Variants in USB1 observed in about 807,000 individuals in gnomAD.
USB1 encodes the protein U6 snRNA phosphodiesterase 1.
A neutral mutation model predicts 29.9 loss-of-function variants in USB1; 21 were observed. That is an observed-to-expected ratio of 0.70 (90% CI 0.50 to 1.01). The LOEUF (loss-of-function observed/expected upper bound fraction) is 1.01, where lower values mean the gene tolerates loss of function less well. Among genes scored for constraint, USB1 ranks in the 50% least tolerant of loss-of-function variants. The pLI, the probability that USB1 is intolerant of heterozygous loss-of-function variation, is 0.00. For synonymous variants in USB1, 143 were observed against 134.9 expected, an observed-to-expected ratio of 1.06 and a Z score of -0.42; for missense variants, 330 against 347.1, an observed-to-expected ratio of 0.95 and a Z score of 0.39.
Position 58,001,408 on chromosome 16 carries a change from C to T in USB1, c.-76C>T, listed in dbSNP as rs1288491900. On this transcript the variant is annotated 5_prime_UTR_variant, in exon 1 of 7. Coordinates refer to ENST00000219281, the MANE Select transcript of USB1 (RefSeq NM_024598.4). ...CCCAGGCCCCGCCCCTGGGAGGGCG[C>T]TTCCGGCACAGCGGAACTCCGGGTG... The T allele has an allele frequency of 1.3e-6, 2 of 1,531,074 alleles. No homozygotes were observed. Among genetic ancestry groups the T allele is most frequent in the Non-Finnish European group, 1.8e-6 (2 of 1,130,130 alleles). 94.8% of individuals were successfully genotyped at this position (1,531,074 alleles called of 1,614,324 possible). A position where few individuals can be genotyped will look rare whatever the true frequency, so the allele number is the denominator to read the frequency against.
upstream of USB1, chr16:57,999,636 G>A (rs1009593290): frequency 6.6e-6 from 1 of 152,278 alleles, no homozygotes; most frequent in Non-Finnish European, 1.5e-5. Context: ...GAAGGAAGGA[G>A]AAGCCTTCAC....
chr16:58,020,429 TTCC>T lies in USB1; in HGVS notation c.*187_*189del, dbSNP rs1963709683. 2 of 640,664 alleles carry T rather than the reference TTCC, an allele frequency of 3.1e-6. No homozygotes were observed. Among genetic ancestry groups the T allele is most frequent in the African/African-American group, 1.8e-5 (1 of 55,030 alleles). 39.7% of individuals were successfully genotyped at this position (640,664 alleles called of 1,614,324 possible). Reference sequence around the variant, plus strand: ...CTGATATTCTCTCTCTCTCTTTCTCTTCCTCTTCTTTCTCTCTCTTCTCCTCTC... The same window carrying T: ...CTGATATTCTCTCTCTCTCTTTCTCTTCTTCTTTCTCTCTCTTCTCCTCTC... On this transcript the variant is annotated 3_prime_UTR_variant, in exon 7 of 7. Transcript: ENST00000219281.
At chr16:58,006,369 A>C (rs1351056916) in intron 2 of USB1, among the ~76,000 whole-genome samples, 3 of 120,532 alleles carry the variant, frequency 2.5e-5, no homozygotes, top group African/African-American at 5.9e-5. Flanking sequence ...AAAAAAAAAC[A>C]AAAAAAAAAA....
chr16:58,010,727 A>T, intron 3 of USB1: 1 of 429,064 alleles, frequency 2.3e-6, no homozygotes, highest in Non-Finnish European at 4.3e-6. Context: ...CAGGATACAC[A>T]TGAACAGCCA....
At chr16:58,010,148 C>T in intron 3 of USB1, 36 bp downstream of exon 3, 3 of 1,612,642 alleles carry the variant, frequency 1.9e-6, no homozygotes, top group Non-Finnish European at 2.5e-6. Flanking sequence ...CCACTCCCTC[C>T]CCTCCATGGC....
intron 1 of USB1, among the ~76,000 whole-genome samples, chr16:58,002,276 G>A (rs1963236367): frequency 6.6e-6 from 1 of 151,894 alleles, no homozygotes; most frequent in East Asian, 1.9e-4. Context: ...GTTTCCCATG[G>A]GGACCTTGTG....
upstream of USB1, among the ~76,000 whole-genome samples, chr16:58,000,089 C>T (rs913790313): frequency 1.3e-5 from 2 of 152,172 alleles, no homozygotes; most frequent in Non-Finnish European, 2.9e-5. The surrounding 1 kb of genome is among the most constrained non-coding windows in gnomAD (Gnocchi z 4.5). Context: ...CGAATGAAAG[C>T]CGATCACCTC....
intron 6 of USB1, among the ~76,000 whole-genome samples, chr16:58,019,496 G>A (rs1302740840): frequency 6.6e-6 from 1 of 152,180 alleles, no homozygotes; most frequent in African/African-American, 2.4e-5. Flanking sequence ...AGCCCCCAGA[G>A]TCTATCAGAT....
chr16:58,017,007 C>T (rs1170050899), intron 4 of USB1: 8 of 375,256 alleles, frequency 2.1e-5, no homozygotes, highest in Admixed American at 1.5e-4. Context: ...GAGTCATTTG[C>T]GATTGGAATG....
At chr16:58,007,708 C>T (rs562399396) in intron 2 of USB1, among the ~76,000 whole-genome samples, 2 of 151,270 alleles carry the variant, frequency 1.3e-5, no homozygotes, top group Non-Finnish European at 2.9e-5. Context: ...TTTATTCAGG[C>T]TGGGTGCAGT....
chr16:58,016,987 T>C (rs1963630643), intron 4 of USB1: 1 of 346,930 alleles, frequency 2.9e-6, no homozygotes, highest in Non-Finnish European at 5.6e-6. Context: ...AGAGGCCTCC[T>C]TGAGGACAGG....
rs141472399 is a variant in USB1 at position 58,012,793 on chromosome 16, C to T, written c.450-1480C>T. 1,058 of 1,003,856 alleles carry T rather than the reference C, an allele frequency of 1.1e-3. 21 individuals carry two copies. The African/African-American group carries it at 0.017, about 16-fold the overall frequency. The allele number at this position is 1,003,856 out of a possible 1,614,324, so 62.2% of individuals were successfully genotyped here. On this transcript the variant is annotated intron_variant, in intron 3 of 6. Coordinates refer to ENST00000219281, the MANE Select transcript of USB1 (RefSeq NM_024598.4). Reference sequence around the variant, plus strand: ...GCACACTGCACTTGCGCTAGGAAGACAGCATGAACTGCACCCCTCCAGGGA... The same window carrying T: ...GCACACTGCACTTGCGCTAGGAAGATAGCATGAACTGCACCCCTCCAGGGA...
At chr16:58,004,352 T>C (rs1963303895) in intron 2 of USB1, among the ~76,000 whole-genome samples, 1 of 152,258 alleles carries the variant, frequency 6.6e-6, no homozygotes, top group African/African-American at 2.4e-5. Flanking sequence ...GCTGTAACTT[T>C]ACATAGTTAA....
chr16:58,017,850 C>T (rs1963654400), intron 5 of USB1, among the ~76,000 whole-genome samples: 2 of 152,184 alleles, frequency 1.3e-5, no homozygotes, highest in South Asian at 4.1e-4. Flanking sequence ...TAAGTCGACT[C>T]TCAGGGCTTT....
Position 58,020,376 on chromosome 16 carries a change from T to A in USB1, c.*131T>A. The stretch of plus-strand genomic sequence containing the variant: ...GCCATGCCTTCAACCTGGCAGGAGG[T>A]GTAGCCACTCCTCATCCTCCCTGAG... On this transcript the variant is annotated 3_prime_UTR_variant, in exon 7 of 7. Transcript: ENST00000219281. The A allele has an allele frequency of 2.6e-6, 2 of 782,696 alleles. No homozygotes were observed. Among genetic ancestry groups the A allele is most frequent in the Non-Finnish European group, 4.4e-6 (2 of 450,360 alleles). The allele number at this position is 782,696 out of a possible 1,614,324, so 48.5% of individuals were successfully genotyped here. A position where few individuals can be genotyped will look rare whatever the true frequency, so the allele number is the denominator to read the frequency against.
Position 58,013,319 on chromosome 16 carries a change from T to A in USB1, c.450-954T>A. On this transcript the variant is annotated intron_variant, in intron 3 of 6. Coordinates refer to ENST00000219281, the MANE Select transcript of USB1 (RefSeq NM_024598.4). This position sits in a 1 kb window ranked among gnomAD's most constrained non-coding sequence, Gnocchi z 4.3. ...TCCTAAAAGCTGCACTTAACCAAGC[T>A]CCTGGTGGTTCTGTGATCCCTTACA... The A allele has an allele frequency of 1.0e-6, 1 of 985,466 alleles. No individual in the cohort carries two copies. Among genetic ancestry groups the A allele is most frequent in the African/African-American group, 1.7e-5 (1 of 57,344 alleles). 61.0% of individuals were successfully genotyped at this position (985,466 alleles called of 1,614,324 possible).
At chr16:58,012,375 A>G in intron 3 of USB1, 1 of 1,497,814 alleles carries the variant, frequency 6.7e-7, no homozygotes, top group South Asian at 1.2e-5. Context: ...CCAAAGAGAA[A>G]TTTATAGGCT....
chr16:58,002,159 A>G (rs984594857), intron 1 of USB1, among the ~76,000 whole-genome samples: 19 of 152,244 alleles, frequency 1.2e-4, no homozygotes, highest in Non-Finnish European at 5.9e-5. Context: ...AGGCCCAGAA[A>G]GGGGACATGA....
At chr16:58,009,148 T>TGGTAAACA (rs1963430939) in intron 2 of USB1, among the ~76,000 whole-genome samples, 1 of 152,196 alleles carries the variant, frequency 6.6e-6, no homozygotes, top group Admixed American at 6.5e-5. Context: ...AAAGGAACTG[T>TGGTAAACA]GGTAAACAGG....
Sources: gnomAD v4.1 joint callset for allele counts (sites outside exome capture counted in the v4.1 genomes callset) on GRCh38, gnomAD v4.1.1 for gene constraint, Gnocchi (gnomAD v3.1) non-coding constraint, MANE v1.5 for transcripts, NCBI Gene and HGNC (gene_info 2026-07-23, HGNC 2026-07-21) for gene names.